FRMD4B: variants seen among roughly 807,000 people sequenced by gnomAD.
FRMD4B encodes the protein FERM domain-containing protein 4B.
Under a neutral mutation model 141.5 loss-of-function variants are expected in FRMD4B, and 74 were observed. The observed-to-expected ratio is 0.52, with a 90% CI of 0.43 to 0.63. FRMD4B has a LOEUF of 0.63. Ranked by LOEUF, FRMD4B falls within the 30% of genes least tolerant of loss-of-function variation. FRMD4B has a pLI of 0.00. For missense variants in FRMD4B, 1,366 were observed against 1,253.4 expected (o/e 1.09, Z -1.36); for synonymous variants, 506 against 467.9 (o/e 1.08, Z -1.05).
intron 1 of FRMD4B, among the ~76,000 whole-genome samples, chr3:69,456,078 A>G (rs1705605349): frequency 6.6e-6 from 1 of 152,202 alleles, no homozygotes; most frequent in Non-Finnish European, 1.5e-5. Flanking sequence ...GAGTATCTCT[A>G]AAGAACTTGT....
intron 7 of FRMD4B, among the ~76,000 whole-genome samples, chr3:69,225,634 G>C (rs1289136655): frequency 7.9e-6 from 1 of 126,292 alleles, no homozygotes; most frequent in Non-Finnish European, 1.6e-5. Context: ...AGCGCAGCTT[G>C]CAGTGAGCCG....
intron 17 of FRMD4B, 39 bp from the exon 18 acceptor site, chr3:69,189,991 T>A: frequency 1.7e-6 from 2 of 1,189,748 alleles, no homozygotes; most frequent in Non-Finnish European, 2.5e-6. Flanking sequence ...CAATTGTGCA[T>A]TTATACAATT....
At chr3:69,427,634 T>C (rs1158257471) in intron 2 of FRMD4B, among the ~76,000 whole-genome samples, 1 of 142,604 alleles carries the variant, frequency 7.0e-6, no homozygotes, top group Non-Finnish European at 1.5e-5. Context: ...AGTAAGAAGC[T>C]AGGTAAATGT....
intron 1 of FRMD4B, among the ~76,000 whole-genome samples, chr3:69,503,229 T>A (rs1241565961): frequency 6.6e-6 from 1 of 152,098 alleles, no homozygotes. Context: ...TAAAGACATA[T>A]GCACACCTAT....
At chr3:69,205,077 A>AAAAAAAAAAAAAAAG (rs1216411200) in intron 11 of FRMD4B, among the ~76,000 whole-genome samples, 27 of 150,598 alleles carry the variant, frequency 1.8e-4, no homozygotes, top group African/African-American at 6.6e-4. Flanking sequence ...AAAAAAAAGA[A>AAAAAAAAAAAAAAAG]AAAGAGAAAA....
intron 11 of FRMD4B, among the ~76,000 whole-genome samples, 195 bp downstream of exon 11, chr3:69,216,068 C>T (rs945435225): frequency 1.1e-4 from 16 of 151,916 alleles, no homozygotes; most frequent in East Asian, 3.9e-4. Flanking sequence ...GCAGGAGACT[C>T]GCTTGAACCC....
chr3:69,218,874 C>T (rs569936553), intron 9 of FRMD4B, among the ~76,000 whole-genome samples: 1 of 152,162 alleles, frequency 6.6e-6, no homozygotes, highest in South Asian at 2.1e-4. Context: ...AAAAATATGT[C>T]CCCCCAGGCT....
intron 1 of FRMD4B, chr3:69,536,323 T>C: frequency 1.5e-6 from 1 of 658,154 alleles, no homozygotes; most frequent in Non-Finnish European, 2.8e-6. Flanking sequence ...GGGATCTAAT[T>C]TGAAGCTGCC....
intron 1 of FRMD4B, among the ~76,000 whole-genome samples, chr3:69,482,587 G>A (rs1706145318): frequency 6.6e-6 from 1 of 152,226 alleles, no homozygotes; most frequent in South Asian, 2.1e-4. Context: ...AAAAGAGCAT[G>A]TTTCATGTGA....
At chr3:69,268,525 G>A (rs574745365) in intron 5 of FRMD4B, among the ~76,000 whole-genome samples, 11 of 152,064 alleles carry the variant, frequency 7.2e-5, no homozygotes, top group Non-Finnish European at 1.6e-4. Flanking sequence ...AACGCACCCT[G>A]GCACCAATGT....
chr3:69,540,660 T>TATATAC (rs1241897477), intron 1 of FRMD4B, among the ~76,000 whole-genome samples: 1 of 56,874 alleles, frequency 1.8e-5, no homozygotes, highest in African/African-American at 1.0e-4. Context: ...TATATATATA[T>TATATAC]ACACACACAC....
At chr3:69,314,148 A>C (rs867600554) in intron 1 of FRMD4B, among the ~76,000 whole-genome samples, 224 of 109,060 alleles carry the variant, frequency 2.1e-3, no homozygotes, top group Non-Finnish European at 3.6e-3. Flanking sequence ...CAAAAAAAAA[A>C]AAAAAAAAAA....
chr3:69,455,490 C>T (rs78348819), intron 1 of FRMD4B, among the ~76,000 whole-genome samples: 2,547 of 152,244 alleles, frequency 0.017, 28 homozygotes, highest in Non-Finnish European at 0.024. Flanking sequence ...TAAGGCTCAC[C>T]GTGAAGGTCT....
At chr3:69,410,509 T>C (rs1704735403) in intron 2 of FRMD4B, among the ~76,000 whole-genome samples, 1 of 151,760 alleles carries the variant, frequency 6.6e-6, no homozygotes, top group Non-Finnish European at 1.5e-5. Context: ...TTGCAAGACC[T>C]GTACAAGCTG....
rs995553089 is a variant in FRMD4B, at chr3:69,386,073, G to A, written c.-84C>T. On this transcript the variant is annotated 5_prime_UTR_variant, in exon 1 of 23. Transcript: ENST00000398540. ...CAGCGGCCTGCCCGCCTGGGCTCCC[G>A]ACGCCGGCTTCTGCTGGCAGCCGGG... The A allele has an allele frequency of 7.0e-5, 88 of 1,253,512 alleles. No homozygotes were observed. Among genetic ancestry groups the A allele is most frequent in the Non-Finnish European group, 9.0e-5 (85 of 948,102 alleles). The allele number at this position is 1,253,512 out of a possible 1,614,324, so 77.6% of individuals were successfully genotyped here. A position where few individuals can be genotyped will look rare whatever the true frequency, so the allele number is the denominator to read the frequency against.
In FRMD4B at chr3:69,181,018, T is replaced by A; in HGVS notation, c.2732A>T (p.Asp911Val). 9 of 1,614,028 alleles carry A rather than the reference T, an allele frequency of 5.6e-6. No individual in the cohort carries two copies. Among genetic ancestry groups the A allele is most frequent in the Non-Finnish European group, 7.6e-6 (9 of 1,179,888 alleles). ...GCTGGTCTGCGGGCTGTGTCCCTGA[T>A]CCTTCTGCCCAGAGGCCCGCTGGTA... ...GWYQRASGQK[D>V]QGHSPQTSFD... Residue 911 changes from aspartate (D) to valine (V), a missense_variant, in exon 21 of 23, where the codon GAT (aspartate) becomes GTT (valine). Coordinates refer to ENST00000398540, the MANE Select transcript of FRMD4B (RefSeq NM_015123.3).
chr3:69,462,905 T>A (rs994743405), intron 1 of FRMD4B, among the ~76,000 whole-genome samples: 1 of 152,210 alleles, frequency 6.6e-6, no homozygotes, highest in African/African-American at 2.4e-5. Context: ...TGGAAGACCA[T>A]GTAGTCAGCT....
chr3:69,528,012 C>T (rs1700954691), intron 1 of FRMD4B, among the ~76,000 whole-genome samples: 1 of 152,134 alleles, frequency 6.6e-6, no homozygotes, highest in African/African-American at 2.4e-5. Context: ...AAGCAATTTG[C>T]ATAAAATCTT....
Position 69,221,841 on chromosome 3 carries a change from A to G in FRMD4B, c.731+17T>C. On this transcript the variant is annotated intron_variant, in intron 9 of 22. Coordinates refer to ENST00000398540, the MANE Select transcript of FRMD4B (RefSeq NM_015123.3). Reference sequence around the variant, plus strand: ...GAGATATTAAAATTATATCTAAGCAAAAGGAAAGATACTTACTGAACCACA... The same window carrying G: ...GAGATATTAAAATTATATCTAAGCAGAAGGAAAGATACTTACTGAACCACA... 1 of 1,363,766 alleles carries G rather than the reference A, an allele frequency of 7.3e-7. No individual in the cohort carries two copies. The highest frequency in any genetic ancestry group is 1.0e-6 in the Non-Finnish European group (1 of 960,434). The allele number at this position is 1,363,766 out of a possible 1,614,324, so 84.5% of individuals were successfully genotyped here.
Sources: allele counts gnomAD v4.1 joint callset (sites outside exome capture counted in the v4.1 genomes callset), GRCh38; gene constraint gnomAD v4.1.1; transcripts MANE v1.5; gene names NCBI Gene and HGNC (gene_info 2026-07-23, HGNC 2026-07-21).